The following NLRP13 variants were observed in gnomAD, a reference collection of about 807,000 sequenced individuals.
The protein encoded by NLRP13 is NLR family pyrin domain containing 13, also known as NACHT, LRR and PYD domains-containing protein 13.
In NLRP13, 82 loss-of-function variants were observed where a neutral mutation model predicts 94.4. That is an observed-to-expected ratio of 0.87 (90% CI 0.73 to 1.04). NLRP13 has a LOEUF of 1.04. Ranked by LOEUF, NLRP13 falls within the 50% of genes least tolerant of loss-of-function variation. The pLI is 0.00. For synonymous variants in NLRP13, 553 were observed against 464.7 expected (o/e 1.19, Z -2.45); for missense variants, 1,426 against 1,230.8 (o/e 1.16, Z -2.37).
chr19:55,924,523 A>G, intron 3 of NLRP13, 67 bp downstream of exon 3: 3 of 1,141,116 alleles, frequency 2.6e-6, no homozygotes, highest in Non-Finnish European at 4.0e-6. Context: ...TAGGCAGCAA[A>G]TGTGGACCAA....
chr19:55,916,160 T>C (rs573804355), intron 4 of NLRP13, among the ~76,000 whole-genome samples: 7 of 152,184 alleles, frequency 4.6e-5, no homozygotes, highest in Non-Finnish European at 1.5e-5. Context: ...ATGAAAGCAC[T>C]CAGAAAAGCC....
At chr19:55,895,935 T>G (rs571785091), downstream of NLRP13, 10 of 1,612,996 alleles carry the variant, frequency 6.2e-6, no homozygotes, top group South Asian at 1.1e-5. Context: ...TGCAGAAAAG[T>G]CAGTGAGGTT....
At chr19:55,911,568 A>T in intron 5 of NLRP13, 138 bp downstream of exon 5, 1 of 769,446 alleles carries the variant, frequency 1.3e-6, no homozygotes, top group Non-Finnish European at 2.1e-6. Context: ...CTTTCAAGTT[A>T]GAGCTGCTCC....
At chr19:55,903,811 T>A (rs142667777) in intron 8 of NLRP13, among the ~76,000 whole-genome samples, 15 of 152,224 alleles carry the variant, frequency 9.9e-5, no homozygotes, top group African/African-American at 1.7e-4. Flanking sequence ...AACCTCCCCA[T>A]GGGCCACTCC....
intron 9 of NLRP13, 134 bp from the exon 10 acceptor site, chr19:55,899,071 G>A (rs1408866157): frequency 1.4e-5 from 13 of 937,622 alleles, no homozygotes; most frequent in Non-Finnish European, 1.9e-5. Context: ...CCTCGAAGGA[G>A]GAGGGTGCGA....
chr19:55,931,745 A>AGAAAGAAAG (rs1239845592), intron 1 of NLRP13, among the ~76,000 whole-genome samples: 1 of 119,522 alleles, frequency 8.4e-6, no homozygotes, highest in East Asian at 2.8e-4. Flanking sequence ...AAAGAAAGAA[A>AGAAAGAAAG]AAGGCTTATA....
chr19:55,898,620 C>T (rs958953001), intron 10 of NLRP13, 150 bp downstream of exon 10: 24 of 781,440 alleles, frequency 3.1e-5, no homozygotes, highest in African/African-American at 1.4e-4. Context: ...GCTGGGGTTA[C>T]GGGCGTGAGC....
intron 1 of NLRP13, among the ~76,000 whole-genome samples, chr19:55,929,552 A>C (rs1485906366): frequency 2.0e-5 from 3 of 152,128 alleles, no homozygotes; most frequent in Non-Finnish European, 2.9e-5. Flanking sequence ...GCATGTTCTC[A>C]TTCATAAGTG....
Position 55,912,409 on chromosome 19 carries a change from C to A in NLRP13, c.1408G>T (p.Asp470Tyr). The change falls in exon 5 of 11, where the codon GAT becomes TAT. Residue 470 changes from aspartate to tyrosine, a missense_variant. Coordinates refer to ENST00000342929, the MANE Select transcript of NLRP13 (RefSeq NM_176810.2). The part of the protein sequence containing the change: ...FSNLFSTAEV[D>Y]LADDSWPGQW... Reference sequence around the variant, plus strand: ...CCTGGCCAGCTGTCATCTGCCAAATCTACCTCTGCTGTGGAGAACAAGTTG... The same window carrying A: ...CCTGGCCAGCTGTCATCTGCCAAATATACCTCTGCTGTGGAGAACAAGTTG... 1.9e-6 allele frequency: 3 copies of A among 1,614,162 alleles called. No homozygotes were observed. The highest frequency in any genetic ancestry group is 2.5e-6 in the Non-Finnish European group (3 of 1,180,028).
Position 55,911,875 on chromosome 19 carries a change from C to G in NLRP13, c.1942G>C (p.Glu648Gln). 1 of 1,614,170 alleles carries G rather than the reference C, an allele frequency of 6.2e-7. No homozygotes were observed. Among genetic ancestry groups the G allele is most frequent in the Non-Finnish European group, 8.5e-7 (1 of 1,180,024 alleles). Residue 648 changes from glutamate (E) to glutamine (Q), a missense_variant, in exon 5 of 11, where the codon GAA (glutamate) becomes CAA (glutamine). Transcript: ENST00000342929. ...LFHCLHESQEEDFTKKMLGRI... is the reference protein window; with the variant it reads ...LFHCLHESQEQDFTKKMLGRI... ...CCCAACATCTTCTTTGTGAAGTCTT[C>G]CTCCTGGGACTCGTGTAGGCAGTGA...
intron 1 of NLRP13, among the ~76,000 whole-genome samples, chr19:55,926,516 T>C (rs1986969626): frequency 6.6e-6 from 1 of 152,180 alleles, no homozygotes; most frequent in African/African-American, 2.4e-5. Context: ...CAGAGGAGCA[T>C]GTTTTAGGTA....
At chr19:55,902,013 A>G in intron 9 of NLRP13, 22 bp downstream of exon 9, 1 of 1,612,326 alleles carries the variant, frequency 6.2e-7, no homozygotes, top group Non-Finnish European at 8.5e-7. Flanking sequence ...CTGCCAACTC[A>G]GAGGGAGCCA....
chr19:55,913,271 C>T lies in NLRP13; in HGVS notation c.546G>A (p.Glu182=). The change falls in exon 5 of 11, where the codon GAG becomes GAA. Residue 182 remains glutamate (E), a synonymous_variant. Coordinates refer to ENST00000342929, the MANE Select transcript of NLRP13 (RefSeq NM_176810.2). ...TCTCCAGTAGTTCAGCCTTCATGTT[C>T]TCTCTGTATTTTCTTCTGTGGTCTA... ...EEADHRRKYR[E]NMKAELLETW... is the part of the protein sequence containing the mutation. 6.2e-7 allele frequency: 1 copy of T among 1,613,984 alleles called. No homozygotes were observed. The highest frequency in any genetic ancestry group is 8.5e-7 in the Non-Finnish European group (1 of 1,179,940).
At chr19:55,922,896 C>A (rs193233315) in intron 4 of NLRP13, among the ~76,000 whole-genome samples, 2 of 152,162 alleles carry the variant, frequency 1.3e-5, no homozygotes, top group African/African-American at 4.8e-5. Flanking sequence ...ACCATAGAAA[C>A]AAATATCAGA....
rs766683816 is a variant in NLRP13 at position 55,912,968 on chromosome 19, T to C, written c.849A>G (p.Glu283=). 4.5e-5 allele frequency: 72 copies of C among 1,614,118 alleles called. No homozygotes were observed. Among genetic ancestry groups the C allele is most frequent in the Non-Finnish European group, 6.1e-5 (72 of 1,179,958 alleles). The stretch of plus-strand genomic sequence containing the variant: ...AATCGGGCCAATCCAAAGAAATCAA[T>C]TCAGCAAAGGTAGTTTCCTTCATGT... ...IRYMKETTFA[E]LISLDWPDFD... Residue 283 remains glutamate, a synonymous_variant, in exon 5 of 11, where the codon GAA becomes GAG. Coordinates refer to ENST00000342929, the MANE Select transcript of NLRP13 (RefSeq NM_176810.2).
At chr19:55,917,459 T>C (rs1020112439) in intron 4 of NLRP13, among the ~76,000 whole-genome samples, 50 of 152,080 alleles carry the variant, frequency 3.3e-4, no homozygotes, top group African/African-American at 9.4e-4. Context: ...ATGGATTAAA[T>C]GCGCTTCTTA....
chr19:55,926,560 C>T (rs1162862825), intron 1 of NLRP13, among the ~76,000 whole-genome samples: 1 of 152,040 alleles, frequency 6.6e-6, no homozygotes, highest in Non-Finnish European at 1.5e-5. Flanking sequence ...AACATTACTC[C>T]CCCCAGGCTC....
At chr19:55,920,302 T>C (rs1444132840) in intron 4 of NLRP13, among the ~76,000 whole-genome samples, 1 of 151,984 alleles carries the variant, frequency 6.6e-6, no homozygotes, top group African/African-American at 2.4e-5. Flanking sequence ...CAAAAACAAA[T>C]GCAAGAAAAA....
Position 55,907,778 on chromosome 19 carries a change from A to T in NLRP13, c.2447+14T>A. The T allele has an allele frequency of 6.2e-7, 1 of 1,613,144 alleles. No homozygotes were observed. Among genetic ancestry groups the T allele is most frequent in the South Asian group, 1.1e-5 (1 of 90,896 alleles). On this transcript the variant is annotated intron_variant, in intron 7 of 10. Coordinates refer to ENST00000342929, the MANE Select transcript of NLRP13 (RefSeq NM_176810.2). ...GCAACCCCCCTTGACAGATCTAGGG[A>T]GCCAAAGACTTACCACAGATACTTG...
Sources: gnomAD v4.1 joint callset for allele counts (sites outside exome capture counted in the v4.1 genomes callset) on GRCh38, gnomAD v4.1.1 for gene constraint, MANE v1.5 for transcripts, NCBI Gene and HGNC (gene_info 2026-07-23, HGNC 2026-07-21) for gene names.